The following MYO7B variants were observed in gnomAD, a reference collection of about 807,000 sequenced individuals.
MYO7B encodes unconventional myosin-VIIb.
Under a neutral mutation model 259.7 loss-of-function variants are expected in MYO7B, and 212 were observed. That is an observed-to-expected ratio of 0.82 (90% CI 0.73 to 0.91). The LOEUF is 0.91. Ranked by LOEUF, MYO7B falls within the 40% of genes least tolerant of loss-of-function variation. The probability of loss-of-function intolerance (pLI) is 0.00; values close to 1 mark genes in which losing one functional copy is unlikely to be tolerated. For missense variants in MYO7B, 2,732 were observed against 2,813.5 expected (o/e 0.97, Z 0.66); for synonymous variants, 1,197 against 1,166.4 (o/e 1.03, Z -0.54).
chr2:127,625,580 TG>T, intron 31 of MYO7B, 45 bp downstream of exon 31: 1 of 1,520,128 alleles, frequency 6.6e-7, no homozygotes, highest in South Asian at 1.3e-5. Flanking sequence ...GGCTCTCCTT[TG>T]GGAGGTGGGG....
rs369086366 is a variant in MYO7B, at chr2:127,631,780, G to A, written c.5249+27G>A. On this transcript the variant is annotated intron_variant, in intron 38 of 47. Coordinates refer to ENST00000409816, the MANE Select transcript of MYO7B (RefSeq NM_001393586.1). ...TCTGCTGGGGCGGCGGCCAGCCCAC[G>A]CGGGCACCCTCAGTCCTCATCCCGG... The A allele has an allele frequency of 7.7e-5, 123 of 1,606,600 alleles. 1 individual carries two copies. In the South Asian group the frequency reaches 1.1e-3, roughly 15 times the overall value.
At chr2:127,556,027 C>T (rs1184808911) in intron 1 of MYO7B, among the ~76,000 whole-genome samples, 3 of 152,148 alleles carry the variant, frequency 2.0e-5, no homozygotes, top group African/African-American at 7.2e-5. Context: ...TGTGTTGCTG[C>T]TATCTCATTT....
Position 127,566,808 on chromosome 2 carries a change from G to A in MYO7B, c.451G>A (p.Asp151Asn). 1 of 1,610,654 alleles carries A rather than the reference G, an allele frequency of 6.2e-7. No individual in the cohort carries two copies. Among genetic ancestry groups the A allele is most frequent in the Non-Finnish European group, 8.5e-7 (1 of 1,179,720 alleles). Reference protein sequence around the residue: ...CYFSMKRNKRDQCCIISGESG... With the variant: ...CYFSMKRNKRNQCCIISGESG... ...CTTCAGCATGAAGAGGAACAAGAGG[G>A]ACCAGTGCTGCATCATCAGGTGAGG... The change falls in exon 5 of 48, where the codon GAC (aspartate) becomes AAC (asparagine). Residue 151 changes from aspartate to asparagine, a missense_variant. By Grantham distance (23) the Asp-to-Asn change is conservative. This residue lies in a region of MYO7B where 1,906 missense variants were observed against 2,026.4 expected (regional missense o/e 0.94). Transcript: ENST00000409816.
At chr2:127,562,331 C>T (rs753972760) in intron 2 of MYO7B, among the ~76,000 whole-genome samples, 3 of 152,092 alleles carry the variant, frequency 2.0e-5, no homozygotes, top group Non-Finnish European at 4.4e-5. Context: ...GACAGAGTCT[C>T]TGTCAGCAAA....
chr2:127,620,682 A>G (rs995546617), intron 27 of MYO7B, among the ~76,000 whole-genome samples: 2 of 152,150 alleles, frequency 1.3e-5, no homozygotes, highest in Non-Finnish European at 2.9e-5. Flanking sequence ...GCCCCTACGC[A>G]GGGTCTGCAG....
At chr2:127,550,673 G>T (rs1385165616) in intron 1 of MYO7B, among the ~76,000 whole-genome samples, 2 of 152,064 alleles carry the variant, frequency 1.3e-5, no homozygotes, top group Non-Finnish European at 2.9e-5. Context: ...CATGAAAGGT[G>T]AGAAGGTGGA....
Position 127,567,366 on chromosome 2 carries a change from G to C in MYO7B, c.470+539G>C, listed in dbSNP as rs1032468883. 5.3e-4 allele frequency among the ~76,000 whole-genome samples: 81 copies of C among 152,172 alleles called. 1 individual carries two copies. Among genetic ancestry groups the C allele is most frequent in the Non-Finnish European group, 2.2e-4 (15 of 68,032 alleles). ...CTCAGGTGAGGACAGAGGAGCAGCA[G>C]CTCCAGGGGACAGCTCTCAGTTCAC... On this transcript the variant is annotated intron_variant, in intron 5 of 47. Transcript: ENST00000409816.
intron 22 of MYO7B, 21 bp downstream of exon 22, chr2:127,608,899 A>G: frequency 6.2e-7 from 1 of 1,603,696 alleles, no homozygotes; most frequent in Non-Finnish European, 8.5e-7. Context: ...CCTGGTGTCC[A>G]CAATCCGCCC....
Position 127,634,173 on chromosome 2 carries a change from C to A in MYO7B, c.5512-3C>A. On this transcript the variant is annotated splice_polypyrimidine_tract_variant and splice_region_variant and intron_variant, in intron 40 of 47. Transcript: ENST00000409816. ...GGGCCTCACCAGCTGCCTCTCTGTCCAGATGCTGGAGGTGGTTGCCAACAC... is the reference window on the plus strand; with the variant it reads ...GGGCCTCACCAGCTGCCTCTCTGTCAAGATGCTGGAGGTGGTTGCCAACAC... The A allele has an allele frequency of 6.3e-7, 1 of 1,597,870 alleles. No homozygotes were observed. Among genetic ancestry groups the A allele is most frequent in the South Asian group, 1.1e-5 (1 of 88,328 alleles).
At chr2:127,612,455 T>TG (rs779336190) in intron 25 of MYO7B, 21 bp from the exon 26 acceptor site, 1 of 1,551,816 alleles carries the variant, frequency 6.4e-7, no homozygotes, top group Non-Finnish European at 8.7e-7. Context: ...GCTGTCCTGA[T>TG]GGCTGCCTTT....
rs918882720 is a variant in MYO7B at position 127,586,359 on chromosome 2, A to G, written c.1690+1446A>G. 1.3e-5 allele frequency among the ~76,000 whole-genome samples: 2 copies of G among 152,246 alleles called. No homozygotes were observed. The highest frequency in any genetic ancestry group is 6.5e-5 in the Admixed American group (1 of 15,280). On this transcript the variant is annotated intron_variant, in intron 14 of 47. Transcript: ENST00000409816. This position sits in a 1 kb window ranked among gnomAD's most constrained non-coding sequence, Gnocchi z 4.8. ...CTGTGGTCAGGAAAGCAGGGCGGCC[A>G]GAGGGTCACTCTCTGCCCCTCATGT...
chr2:127,582,353 C>T lies in MYO7B; in HGVS notation c.1250C>T (p.Ala417Val), dbSNP rs1184467159. Reference sequence around the variant, plus strand: ...TGGATTGTCAAGAAGATCAATGCCGCCATCTTCACACCACCAGCCCAGGAC... The same window carrying T: ...TGGATTGTCAAGAAGATCAATGCCGTCATCTTCACACCACCAGCCCAGGAC... The part of the protein sequence containing the change: ...FLWIVKKINA[A>V]IFTPPAQDPK... Residue 417 changes from alanine to valine, a missense_variant, in exon 12 of 48, where the codon GCC becomes GTC. Transcript: ENST00000409816. The T allele has an allele frequency of 1.2e-6, 2 of 1,613,442 alleles. No individual in the cohort carries two copies. Among genetic ancestry groups the T allele is most frequent in the East Asian group, 4.5e-5 (2 of 44,864 alleles).
intron 5 of MYO7B, among the ~76,000 whole-genome samples, chr2:127,568,241 G>T (rs1014129290): frequency 6.6e-6 from 1 of 152,236 alleles, no homozygotes; most frequent in Admixed American, 6.5e-5. Flanking sequence ...GAGCTGGGCC[G>T]CAGGCTGGCT....
At chr2:127,556,427 TC>T (rs752365762) in intron 1 of MYO7B, among the ~76,000 whole-genome samples, 17 of 152,360 alleles carry the variant, frequency 1.1e-4, no homozygotes, top group Non-Finnish European at 2.2e-4. Context: ...ATTATTCCAT[TC>T]ATTATGCTAT....
chr2:127,627,047 TG>T lies in MYO7B; in HGVS notation c.4290del (p.Trp1430CysfsTer24). On this transcript the variant is annotated frameshift_variant, in exon 32 of 48. Transcript: ENST00000409816. LOFTEE classifies it high-confidence loss of function. This position sits in a 1 kb window ranked among gnomAD's most constrained non-coding sequence, Gnocchi z 5.6. ...GGTGGTGGACGCCGCCCGCCTGCAG[TG>T]GCCGCTGCTCTTCTCCCGGCTCTTC... The part of the protein sequence containing the change: ...EQVVDAARLQ[W>X]PLLFSRLFEV... 6.2e-7 allele frequency: 1 copy of T among 1,612,282 alleles called. No homozygotes were observed. The highest frequency in any genetic ancestry group is 1.1e-5 in the South Asian group (1 of 90,864).
At chr2:127,588,186 G>A (rs1469642717) in intron 14 of MYO7B, among the ~76,000 whole-genome samples, 1 of 152,144 alleles carries the variant, frequency 6.6e-6, no homozygotes, top group African/African-American at 2.4e-5. Flanking sequence ...GGGGGGTCCA[G>A]AGTTTAGACA....
intron 1 of MYO7B, among the ~76,000 whole-genome samples, chr2:127,547,205 T>A (rs1369609716): frequency 6.6e-6 from 1 of 152,210 alleles, no homozygotes; most frequent in African/African-American, 2.4e-5. Flanking sequence ...ATCCATTTAC[T>A]CAGCAAGCAT....
intron 41 of MYO7B, 137 bp downstream of exon 41, chr2:127,634,426 G>A: frequency 1.1e-6 from 1 of 881,982 alleles, no homozygotes; most frequent in Non-Finnish European, 1.8e-6. Flanking sequence ...CTGGGACAGA[G>A]GTAGGTGGGG....
intron 2 of MYO7B, among the ~76,000 whole-genome samples, chr2:127,560,547 A>C (rs1362321313): frequency 6.6e-6 from 1 of 152,156 alleles, no homozygotes; most frequent in Admixed American, 6.5e-5. Flanking sequence ...TTTACTGTCA[A>C]ATCAACAGAC....
Sources: gnomAD v4.1 joint callset for allele counts (sites outside exome capture counted in the v4.1 genomes callset) on GRCh38, gnomAD v4.1.1 for gene constraint, gnomAD v4.1.1 regional missense constraint, Gnocchi (gnomAD v3.1) non-coding constraint, MANE v1.5 for transcripts, NCBI Gene and HGNC (gene_info 2026-07-23, HGNC 2026-07-21) for gene names.